The following DACH2 variants were observed in gnomAD, a reference collection of about 807,000 sequenced individuals.
DACH2 encodes dachshund family transcription factor 2.
In DACH2, 17 loss-of-function variants were observed where a neutral mutation model predicts 35.8. The observed-to-expected ratio is 0.48, with a 90% CI of 0.33 to 0.71. The LOEUF (loss-of-function observed/expected upper bound fraction) is 0.71, where lower values mean the gene tolerates loss of function less well. DACH2 is among the 30% of genes least tolerant of loss of function. The pLI, the probability that DACH2 is intolerant of heterozygous loss-of-function variation, is 0.02. For missense variants in DACH2, 469 were observed against 472.7 expected (o/e 0.99, Z 0.07); for synonymous variants, 195 against 177.3 (o/e 1.10, Z -0.79).
chrX:86,723,174 C>T (rs2041426748), intron 6 of DACH2, among the ~76,000 whole-genome samples: 1 of 111,310 alleles, frequency 9.0e-6, no homozygotes, highest in African/African-American at 3.3e-5. Flanking sequence ...TGTAATGTCT[C>T]CTTTTTATTT....
In DACH2 at chrX:86,534,175, G is replaced by A. The variant is rs138382831; in HGVS notation, c.640+19784G>A. ...TTCCATGACGAAGTTAGGGAGAGCA[G>A]CTATAAGGCAAATCAAAACAAAAGA... On this transcript the variant is annotated intron_variant, in intron 3 of 11. Transcript: ENST00000373125. Among the ~76,000 whole-genome samples, 1,068 of 111,935 alleles carry A rather than the reference G, an allele frequency of 9.5e-3. 18 individuals are homozygous for A. The highest frequency in any genetic ancestry group is 0.033 in the African/African-American group (1,023 of 30,797).
intron 2 of DACH2, among the ~76,000 whole-genome samples, chrX:86,419,010 G>A (rs1461027445): frequency 1.8e-5 from 2 of 111,644 alleles, no homozygotes; most frequent in Non-Finnish European, 3.8e-5. Context: ...AACATAACAA[G>A]GGTTGCCTTT....
intron 4 of DACH2, among the ~76,000 whole-genome samples, chrX:86,652,850 T>C (rs1190445865): frequency 6.3e-5 from 7 of 111,771 alleles, no homozygotes; most frequent in Non-Finnish European, 1.1e-4. Context: ...TAGACCTTTG[T>C]CAGATGTATA....
At chrX:86,533,231 T>G (rs1403492687) in intron 3 of DACH2, among the ~76,000 whole-genome samples, 1 of 110,867 alleles carries the variant, frequency 9.0e-6, no homozygotes, top group Non-Finnish European at 1.9e-5. Context: ...TTTGTGTTGG[T>G]TTTTAGAGGT....
chrX:86,717,082 CT>C (rs753790320), intron 6 of DACH2, among the ~76,000 whole-genome samples: 5 of 112,116 alleles, frequency 4.5e-5, no homozygotes, highest in Admixed American at 2.8e-4. Flanking sequence ...TTAAAACACT[CT>C]GATAAAAATT....
intron 1 of DACH2, among the ~76,000 whole-genome samples, chrX:86,230,749 TA>T (rs1416142444): frequency 8.9e-6 from 1 of 111,757 alleles, no homozygotes; most frequent in Non-Finnish European, 1.9e-5. Flanking sequence ...CCACCTCTTC[TA>T]GGTTTTCCAG....
At chrX:86,204,265 T>C (rs1022244631) in intron 1 of DACH2, among the ~76,000 whole-genome samples, 3 of 112,017 alleles carry the variant, frequency 2.7e-5, no homozygotes, top group Non-Finnish European at 1.9e-5. Context: ...CTATGTACTA[T>C]AAAAATATTT....
intron 3 of DACH2, among the ~76,000 whole-genome samples, chrX:86,556,639 T>G (rs1490365144): frequency 9.4e-6 from 1 of 106,128 alleles, no homozygotes; most frequent in African/African-American, 3.4e-5. Flanking sequence ...ACTTTATTGT[T>G]GTATCATCTA....
At chrX:86,541,068 G>C (rs1283141629) in intron 3 of DACH2, among the ~76,000 whole-genome samples, 1 of 111,758 alleles carries the variant, frequency 8.9e-6, no homozygotes, top group Non-Finnish European at 1.9e-5. Flanking sequence ...TAATGATTAT[G>C]GTGTTATGTT....
chrX:86,487,328 G>A (rs891934685), intron 2 of DACH2, among the ~76,000 whole-genome samples: 1 of 111,193 alleles, frequency 9.0e-6, no homozygotes, highest in Non-Finnish European at 1.9e-5. Context: ...TTGTGAAGCC[G>A]GTATAACATT....
chrX:86,264,347 C>A (rs974622860), intron 1 of DACH2, among the ~76,000 whole-genome samples: 1 of 111,775 alleles, frequency 8.9e-6, no homozygotes, highest in African/African-American at 3.2e-5. Flanking sequence ...TCTTTTCTGG[C>A]GGCTGTCAGA....
chrX:86,512,254 G>A (rs751795120), intron 2 of DACH2, among the ~76,000 whole-genome samples: 2 of 110,552 alleles, frequency 1.8e-5, no homozygotes, highest in African/African-American at 3.3e-5. Context: ...TTTATAACAT[G>A]GGGAATAGAT....
At chrX:86,396,864 C>T (rs1183385366) in intron 2 of DACH2, among the ~76,000 whole-genome samples, 1 of 110,699 alleles carries the variant, frequency 9.0e-6, no homozygotes, top group African/African-American at 3.3e-5. Context: ...ATTGACTTGG[C>T]AATGCGGGCT....
chrX:86,694,226 G>A (rs2041041075), intron 4 of DACH2, among the ~76,000 whole-genome samples: 1 of 111,956 alleles, frequency 8.9e-6, no homozygotes, highest in African/African-American at 3.2e-5. Context: ...TCTAAAGCCA[G>A]ACTATGTGCT....
At chrX:86,479,514 C>T (rs1367730282) in intron 2 of DACH2, among the ~76,000 whole-genome samples, 1 of 111,652 alleles carries the variant, frequency 9.0e-6, no homozygotes, top group African/African-American at 3.3e-5. Context: ...ATGTTGATAT[C>T]TTTCTCTTGG....
intron 7 of DACH2, among the ~76,000 whole-genome samples, chrX:86,779,329 A>G (rs2042067948): frequency 9.0e-6 from 1 of 111,518 alleles, no homozygotes. Context: ...GCCAGAGACA[A>G]CAGTAAATAT....
chrX:86,733,886 C>T (rs144261044), intron 6 of DACH2, among the ~76,000 whole-genome samples: 5,056 of 110,175 alleles, frequency 0.046, 105 homozygotes, highest in South Asian at 0.12. Context: ...AATTCACTGA[C>T]AAGAATCACT....
chrX:86,391,348 C>T (rs1407803910), intron 2 of DACH2, among the ~76,000 whole-genome samples: 1 of 92,465 alleles, frequency 1.1e-5, no homozygotes, highest in East Asian at 3.8e-4. Flanking sequence ...TATTCAGTCA[C>T]TTATTTGATT....
At chrX:86,755,326 G>T (rs1015601950) in intron 7 of DACH2, among the ~76,000 whole-genome samples, 24 of 111,312 alleles carry the variant, frequency 2.2e-4, no homozygotes, top group African/African-American at 7.2e-4. Context: ...TTAATCTCTT[G>T]CTGGATGAAT....
Sources: gnomAD v4.1 joint callset for allele counts (sites outside exome capture counted in the v4.1 genomes callset) on GRCh38, gnomAD v4.1.1 for gene constraint, MANE v1.5 for transcripts, NCBI Gene and HGNC (gene_info 2026-07-23, HGNC 2026-07-21) for gene names.